MECOM: variants seen among roughly 807,000 people sequenced by gnomAD.
The protein encoded by MECOM is MDS1 and EVI1 complex locus, also known as histone-lysine N-methyltransferase MECOM.
MECOM carries 13 observed loss-of-function variants against 116.3 expected under a neutral mutation model. The observed-to-expected ratio is 0.11, with a 90% CI of 0.07 to 0.18. The LOEUF (loss-of-function observed/expected upper bound fraction) is 0.18, where lower values mean the gene tolerates loss of function less well. Ranked by LOEUF, MECOM falls within the 10% of genes least tolerant of loss-of-function variation. MECOM has a pLI of 1.00. For synonymous variants in MECOM, 528 were observed against 535.2 expected (o/e 0.99, Z 0.19); for missense variants, 1,299 against 1,509.0 (o/e 0.86, Z 2.31).
chr3:169,086,547 T>C, intron 16 of MECOM: 4 of 701,634 alleles, frequency 5.7e-6, no homozygotes, highest in Non-Finnish European at 1.0e-5. Flanking sequence ...TGCTTAACCT[T>C]TTAAGCTTTA....
intron 2 of MECOM, among the ~76,000 whole-genome samples, chr3:169,373,223 G>A (rs564676096): frequency 5.3e-5 from 8 of 152,030 alleles, no homozygotes; most frequent in African/African-American, 1.9e-4. Flanking sequence ...TATTTTTAAA[G>A]TTTCTCTTGG....
At chr3:169,107,131 T>G (rs993449987) in intron 10 of MECOM, among the ~76,000 whole-genome samples, 7 of 152,150 alleles carry the variant, frequency 4.6e-5, no homozygotes, top group African/African-American at 1.7e-4. Flanking sequence ...CTAAACTATA[T>G]CCCAAGATTT....
At chr3:169,482,328 CTTTTTT>C (rs768771100) in intron 1 of MECOM, among the ~76,000 whole-genome samples, 1 of 108,396 alleles carries the variant, frequency 9.2e-6, no homozygotes, top group Non-Finnish European at 1.8e-5. Flanking sequence ...AACCCACGTT[CTTTTTT>C]TTTTTTTTTT....
At chr3:169,145,078 G>C in intron 2 of MECOM, 1 of 1,515,964 alleles carries the variant, frequency 6.6e-7, no homozygotes, top group Non-Finnish European at 8.8e-7. Flanking sequence ...TGAGGAAATT[G>C]AAGGGCAATA....
rs1106161 is a variant in MECOM at position 169,231,112 on chromosome 3, T to C, written c.376-87280A>G. ...ACAATTCTGGATGTTATTGCATCTATAGTCTTGATCTCTCCAATTTCTTAC... is the reference window on the plus strand; with the variant it reads ...ACAATTCTGGATGTTATTGCATCTACAGTCTTGATCTCTCCAATTTCTTAC... On this transcript the variant is annotated intron_variant, in intron 2 of 16. Transcript: ENST00000651503. Among the ~76,000 whole-genome samples, 7 of 152,168 alleles carry C rather than the reference T, an allele frequency of 4.6e-5. No homozygotes were observed. The East Asian group carries it at 1.2e-3, about 25-fold the overall frequency.
At chr3:169,382,849 CAAAAAAA>C (rs1157852145) in intron 1 of MECOM, among the ~76,000 whole-genome samples, 1 of 47,164 alleles carries the variant, frequency 2.1e-5, no homozygotes, top group African/African-American at 8.9e-5. Context: ...AAGCCCATCT[CAAAAAAA>C]AAAAAAAATA....
At chr3:169,540,166 A>G (rs1424214422) in intron 1 of MECOM, among the ~76,000 whole-genome samples, 2 of 152,162 alleles carry the variant, frequency 1.3e-5, no homozygotes, top group African/African-American at 4.8e-5. Flanking sequence ...GTAGGCACCT[A>G]AAAGGGTGCA....
chr3:169,463,407 A>G (rs569120123), intron 1 of MECOM, among the ~76,000 whole-genome samples: 122 of 152,262 alleles, frequency 8.0e-4, no homozygotes, highest in African/African-American at 2.7e-3. Flanking sequence ...ACTGAAAAAA[A>G]GTGTACAAAA....
chr3:169,437,828 A>G (rs1560274157), intron 1 of MECOM, among the ~76,000 whole-genome samples: 1 of 152,202 alleles, frequency 6.6e-6, no homozygotes, highest in African/African-American at 2.4e-5. Flanking sequence ...GAATGGCTAG[A>G]CCAGACTTCC....
At chr3:169,361,810 A>G (rs1344933422) in intron 2 of MECOM, among the ~76,000 whole-genome samples, 3 of 151,930 alleles carry the variant, frequency 2.0e-5, no homozygotes, top group South Asian at 4.2e-4. Context: ...TACATTTGAG[A>G]GGATCAAATG....
chr3:169,390,708 G>A (rs1254083503), intron 1 of MECOM, among the ~76,000 whole-genome samples: 4 of 152,164 alleles, frequency 2.6e-5, no homozygotes, highest in Admixed American at 1.3e-4. Context: ...GCCCCAACTT[G>A]TTTATTATAA....
rs1452090891 is a variant in MECOM at position 169,655,916 on chromosome 3, C to A, written c.37+7420G>T. ...TATACCAATTAACTCTCACAGCAGC[C>A]CAAGGAGGGTAGTATTATTACTCCC... On this transcript the variant is annotated intron_variant, in intron 1 of 16. Transcript: ENST00000651503. Among the ~76,000 whole-genome samples, 3 of 152,242 alleles carry A rather than the reference C, an allele frequency of 2.0e-5. No individual in the cohort carries two copies. In the East Asian group the frequency reaches 5.8e-4, roughly 29 times the overall value.
At chr3:169,294,278 G>A (rs181144247) in intron 2 of MECOM, among the ~76,000 whole-genome samples, 15 of 152,088 alleles carry the variant, frequency 9.9e-5, no homozygotes, top group African/African-American at 2.9e-4. Flanking sequence ...ATTAGGTTCC[G>A]TATTTTAAGA....
At chr3:169,236,481 A>G (rs747835723) in intron 2 of MECOM, among the ~76,000 whole-genome samples, 9 of 152,210 alleles carry the variant, frequency 5.9e-5, no homozygotes, top group Non-Finnish European at 1.3e-4. Context: ...TAGGGTATCA[A>G]TGTGAAGTCT....
At chr3:169,143,107 A>G (rs1738636358) in intron 3 of MECOM, among the ~76,000 whole-genome samples, 1 of 151,988 alleles carries the variant, frequency 6.6e-6, no homozygotes, top group Non-Finnish European at 1.5e-5. Context: ...AGTCAACCTC[A>G]CTGCATGGTC....
intron 2 of MECOM, chr3:169,147,308 G>A (rs2149311923): frequency 2.0e-6 from 2 of 985,564 alleles, no homozygotes; most frequent in Middle Eastern, 5.2e-4. Flanking sequence ...CAGCGCCTTC[G>A]CGGGTCCTGG....
chr3:169,096,754 T>A (rs530133465), intron 12 of MECOM, among the ~76,000 whole-genome samples: 2 of 152,302 alleles, frequency 1.3e-5, no homozygotes, highest in South Asian at 4.1e-4. Context: ...CCTTATGTGA[T>A]GCCAGAAGTC....
intron 1 of MECOM, among the ~76,000 whole-genome samples, chr3:169,583,019 A>G (rs775169547): frequency 6.6e-6 from 1 of 152,250 alleles, no homozygotes; most frequent in Non-Finnish European, 1.5e-5. Flanking sequence ...AGGAAAGGTT[A>G]CATGGCACAG....
At chr3:169,382,879 A>AAAAAAAAAAAAAAAAAAAG (rs1358767356) in intron 1 of MECOM, among the ~76,000 whole-genome samples, 1 of 138,560 alleles carries the variant, frequency 7.2e-6, no homozygotes, top group East Asian at 2.4e-4. Context: ...AAAAATAAAA[A>AAAAAAAAAAAAAAAAAAAG]AAGAAGGTAA....
Sources: gnomAD v4.1 joint callset for allele counts (sites outside exome capture counted in the v4.1 genomes callset) on GRCh38, gnomAD v4.1.1 for gene constraint, MANE v1.5 for transcripts, NCBI Gene and HGNC (gene_info 2026-07-23, HGNC 2026-07-21) for gene names.